Variants in NEBL observed in about 807,000 individuals in gnomAD.
NEBL encodes the protein nebulette.
In NEBL, 122 loss-of-function variants were observed where a neutral mutation model predicts 140.2. That is an observed-to-expected ratio of 0.87 (90% confidence interval 0.75 to 1.01). NEBL has a LOEUF of 1.01. Ranked by LOEUF, NEBL falls within the 50% of genes least tolerant of loss-of-function variation. NEBL has a pLI of 0.00. For missense variants in NEBL, 1,365 were observed against 1,231.3 expected, an observed-to-expected ratio of 1.11 and a Z score of -1.62; for synonymous variants, 436 against 398.9, an observed-to-expected ratio of 1.09 and a Z score of -1.11.
intron 1 of NEBL, among the ~76,000 whole-genome samples, chr10:21,283,557 G>T (rs1023213723): frequency 6.6e-6 from 1 of 152,134 alleles, no homozygotes; most frequent in Non-Finnish European, 1.5e-5. Flanking sequence ...GGAGCCTGTG[G>T]TATTCCAGAA....
At chr10:20,942,944 T>A (rs1834959384) in intron 4 of NEBL, among the ~76,000 whole-genome samples, 1 of 152,094 alleles carries the variant, frequency 6.6e-6, no homozygotes, top group Non-Finnish European at 1.5e-5. Context: ...AAACAACAGG[T>A]GCTGGAGAGG....
At chr10:20,794,382 T>C (rs1289955205) in intron 26 of NEBL, among the ~76,000 whole-genome samples, 1 of 152,238 alleles carries the variant, frequency 6.6e-6, no homozygotes, top group African/African-American at 2.4e-5. Flanking sequence ...ATTCCTATAA[T>C]GTATCCTGTT....
chr10:20,869,447 A>T (rs1368608008), intron 6 of NEBL, among the ~76,000 whole-genome samples: 1 of 152,178 alleles, frequency 6.6e-6, no homozygotes, highest in African/African-American at 2.4e-5. Flanking sequence ...CATATGACTG[A>T]TAACCCTGAC....
chr10:21,093,150 C>CTTTTTTTTTTTTTTTTTTTTTTTTTTTT (rs4025884), intron 2 of NEBL, among the ~76,000 whole-genome samples: 1 of 95,040 alleles, frequency 1.1e-5, no homozygotes, highest in African/African-American at 4.3e-5. Flanking sequence ...AGCAACAAGT[C>CTTTTTTTTTTTTTTTTTTTTTTTTTTTT]TTTTTTTTTT....
chr10:21,280,622 T>TC (rs1842981220), intron 1 of NEBL, among the ~76,000 whole-genome samples: 1 of 142,178 alleles, frequency 7.0e-6, no homozygotes, highest in Non-Finnish European at 1.5e-5. Context: ...CTTTTTCCTT[T>TC]TTTTTTTTTT....
At chr10:20,914,880 C>T (rs57099882) in intron 4 of NEBL, among the ~76,000 whole-genome samples, 1,739 of 151,420 alleles carry the variant, frequency 0.011, 27 homozygotes, top group African/African-American at 0.04. Flanking sequence ...TTTTTTGAGG[C>T]GGAGTCTCAC....
chr10:20,939,552 T>C (rs1407036479), intron 4 of NEBL, among the ~76,000 whole-genome samples: 1 of 152,134 alleles, frequency 6.6e-6, no homozygotes, highest in African/African-American at 2.4e-5. Context: ...CCAACTAACA[T>C]CATAATGACA....
intron 3 of NEBL, among the ~76,000 whole-genome samples, chr10:20,990,459 T>C (rs1480030150): frequency 6.6e-6 from 1 of 152,118 alleles, no homozygotes; most frequent in African/African-American, 2.4e-5. Context: ...CTCTCTACCA[T>C]GCAAGGATAC....
chr10:20,889,273 C>T (rs1278844387), intron 3 of NEBL, among the ~76,000 whole-genome samples: 1 of 152,146 alleles, frequency 6.6e-6, no homozygotes, highest in Non-Finnish European at 1.5e-5. Context: ...AACTGTAGTT[C>T]TAAATGCTCT....
At chr10:21,149,862 C>T (rs547368998) in intron 2 of NEBL, among the ~76,000 whole-genome samples, 127 of 152,332 alleles carry the variant, frequency 8.3e-4, no homozygotes, top group African/African-American at 2.9e-3. Flanking sequence ...GGACACCCAG[C>T]TGATGTCCAC....
rs368463931 is a variant in NEBL, at chr10:20,897,252, G to A, written c.-47C>T. 199 of 1,532,308 alleles carry A rather than the reference G, an allele frequency of 1.3e-4. No homozygotes were observed. In the African/African-American group the frequency reaches 1.5e-3, roughly 12 times the overall value. 94.9% of individuals were successfully genotyped at this position (1,532,308 alleles called of 1,614,324 possible). A position where few individuals can be genotyped will look rare whatever the true frequency, so the allele number is the denominator to read the frequency against. ...TATTTTTAAAATTTACTCATGTGGC[G>A]TCCTTTTCCATACCACAGTGCCCTT... On this transcript the variant is annotated 5_prime_UTR_variant, in exon 1 of 28. In the 5' UTR this introduces an upstream ATG that the reference lacks. Coordinates refer to ENST00000377122, the MANE Select transcript of NEBL (RefSeq NM_006393.3).
chr10:20,873,784 A>G lies in NEBL; in HGVS notation c.481-3943T>C, dbSNP rs1845212530. On this transcript the variant is annotated intron_variant, in intron 5 of 27. Coordinates refer to ENST00000377122, the MANE Select transcript of NEBL (RefSeq NM_006393.3). ...TCAATTCCACAAAACAAATAACTGTAATTTTAATGAGCATTGCACTGAATC... is the reference window on the plus strand; with the variant it reads ...TCAATTCCACAAAACAAATAACTGTGATTTTAATGAGCATTGCACTGAATC... Among the ~76,000 whole-genome samples, 4 of 152,180 alleles carry G rather than the reference A, an allele frequency of 2.6e-5. No individual in the cohort carries two copies. In the South Asian group the frequency reaches 8.3e-4, roughly 31 times the overall value.
chr10:21,052,221 G>A (rs1416129200), intron 2 of NEBL, among the ~76,000 whole-genome samples: 2 of 152,210 alleles, frequency 1.3e-5, no homozygotes, highest in African/African-American at 4.8e-5. Context: ...GTGGTTCTGA[G>A]GGAAGATGGC....
chr10:20,859,319 T>G (rs947048244), intron 8 of NEBL, among the ~76,000 whole-genome samples: 1 of 152,044 alleles, frequency 6.6e-6, no homozygotes, highest in Non-Finnish European at 1.5e-5. Flanking sequence ...TTCTAAAAAT[T>G]TCTTTATATG....
intron 4 of NEBL, among the ~76,000 whole-genome samples, chr10:20,936,159 T>C (rs1834473223): frequency 6.6e-6 from 1 of 152,218 alleles, no homozygotes; most frequent in Non-Finnish European, 1.5e-5. Flanking sequence ...CTACCAATTA[T>C]TAAGCACAAT....
intron 3 of NEBL, among the ~76,000 whole-genome samples, chr10:21,209,798 T>G (rs1440902483): frequency 6.6e-6 from 1 of 151,958 alleles, no homozygotes; most frequent in African/African-American, 2.4e-5. Context: ...AATCAGTGCC[T>G]GGGTCCAGAA....
chr10:21,217,024 TA>T (rs1842002619), intron 3 of NEBL, among the ~76,000 whole-genome samples: 1 of 151,978 alleles, frequency 6.6e-6, no homozygotes, highest in Non-Finnish European at 1.5e-5. Context: ...CTAATTTTAC[TA>T]AACTACTACC....
At chr10:21,024,011 C>T (rs949581719) in intron 2 of NEBL, among the ~76,000 whole-genome samples, 3 of 151,364 alleles carry the variant, frequency 2.0e-5, no homozygotes, top group African/African-American at 7.3e-5. Context: ...TAAAACACTA[C>T]TTTGATAAGT....
chr10:21,042,873 T>G (rs188665700), intron 2 of NEBL, among the ~76,000 whole-genome samples: 1 of 152,330 alleles, frequency 6.6e-6, no homozygotes, highest in East Asian at 1.9e-4. Context: ...AGCCTTTGCT[T>G]TCACTTAAAG....
Sources: gnomAD v4.1 joint callset for allele counts (sites outside exome capture counted in the v4.1 genomes callset) on GRCh38, gnomAD v4.1.1 for gene constraint, MANE v1.5 for transcripts, NCBI Gene and HGNC (gene_info 2026-07-23, HGNC 2026-07-21) for gene names.